The following USP10 variants were observed in gnomAD, a reference collection of about 807,000 sequenced individuals.
The protein encoded by USP10 is ubiquitin carboxyl-terminal hydrolase 10.
Under a neutral mutation model 84.5 loss-of-function variants are expected in USP10, and 22 were observed. The observed-to-expected ratio is 0.26, with a 90% CI of 0.19 to 0.37. The LOEUF (loss-of-function observed/expected upper bound fraction) is 0.37. Among genes scored for constraint, USP10 ranks in the 10% least tolerant of loss-of-function variants. The pLI, the probability that USP10 is intolerant of heterozygous loss-of-function variation, is 1.00. For missense variants in USP10, 1,019 were observed against 998.9 expected (o/e 1.02, Z -0.27); for synonymous variants, 454 against 387.6 (o/e 1.17, Z -2.01).
chr16:84,716,470 G>A (rs1014862675), intron 1 of USP10: 2 of 152,128 alleles, frequency 1.3e-5, no homozygotes, highest in African/African-American at 2.4e-5. Flanking sequence ...TTCAGTGGAC[G>A]AAATACAGAC....
rs1369176802 is a variant in USP10, at chr16:84,778,088, TAAC to T, written c.2210-806_2210-804del. On this transcript the variant is annotated intron_variant, in intron 13 of 13. Coordinates refer to ENST00000219473, the MANE Select transcript of USP10 (RefSeq NM_005153.3). The stretch of plus-strand genomic sequence containing the variant: ...TTATAGGATTTTTTTTTTAAGTAAA[TAAC>T]TGTGTGTGTGTGTGTGTGTGTGTGT... Among the ~76,000 whole-genome samples the T allele has an allele frequency of 2.9e-3, 422 of 147,814 alleles. 1 individual carries two copies. The highest frequency in any genetic ancestry group is 0.011 in the African/African-American group (408 of 38,148).
At chr16:84,736,642 A>G (rs1909969105) in intron 2 of USP10, among the ~76,000 whole-genome samples, 1 of 152,236 alleles carries the variant, frequency 6.6e-6, no homozygotes, top group Non-Finnish European at 1.5e-5. Context: ...TTTAGTTTCC[A>G]GAATCTCAGC....
At chr16:84,761,816 C>G (rs1193401475) in intron 8 of USP10, among the ~76,000 whole-genome samples, 1 of 152,254 alleles carries the variant, frequency 6.6e-6, no homozygotes, top group African/African-American at 2.4e-5. Context: ...AGACACCAGC[C>G]AAGGGGCAAC....
intron 11 of USP10, among the ~76,000 whole-genome samples, chr16:84,769,929 C>T (rs947407864): frequency 1.3e-5 from 2 of 152,094 alleles, no homozygotes; most frequent in African/African-American, 4.8e-5. Context: ...TCCTAAATAG[C>T]AGGTTTGGAT....
At chr16:84,749,253 A>G (rs542689263) in intron 4 of USP10, among the ~76,000 whole-genome samples, 7 of 152,316 alleles carry the variant, frequency 4.6e-5, no homozygotes, top group Admixed American at 1.3e-4. Flanking sequence ...CACTACCACA[A>G]ATTCCCTTTA....
chr16:84,709,898 G>A (rs894107523), intron 1 of USP10, among the ~76,000 whole-genome samples: 1 of 151,926 alleles, frequency 6.6e-6, no homozygotes, highest in African/African-American at 2.4e-5. Context: ...TGGTTAGCCG[G>A]GAGTCTGGAG....
At chr16:84,773,756 T>A (rs1460832955) in intron 12 of USP10, among the ~76,000 whole-genome samples, 1 of 152,180 alleles carries the variant, frequency 6.6e-6, no homozygotes, top group African/African-American at 2.4e-5. Context: ...CTCCCCATTT[T>A]ATTCTATCCA....
intron 4 of USP10, among the ~76,000 whole-genome samples, chr16:84,749,597 A>G (rs1279524449): frequency 6.6e-6 from 1 of 152,070 alleles, no homozygotes; most frequent in East Asian, 1.9e-4. Context: ...AATTATACAC[A>G]CACAAAATGC....
rs62050884 is a variant in USP10, at chr16:84,758,840, C to T, written c.1284+33C>T. 4.0e-6 allele frequency: 6 copies of T among 1,484,682 alleles called. No homozygotes were observed. In the Admixed American group the frequency reaches 5.0e-5, roughly 12 times the overall value. The allele number at this position is 1,484,682 out of a possible 1,614,324, so 92.0% of individuals were successfully genotyped here. On this transcript the variant is annotated intron_variant, in intron 5 of 13. Coordinates refer to ENST00000219473, the MANE Select transcript of USP10 (RefSeq NM_005153.3). ...TCCTGGACGCCGTCCGCAAGGCCAG[C>T]TTGTTGCAGCTGTCCCTCCTTTGGG...
chr16:84,746,031 C>T (rs1911185698), intron 4 of USP10, among the ~76,000 whole-genome samples: 1 of 151,710 alleles, frequency 6.6e-6, no homozygotes, highest in Non-Finnish European at 1.5e-5. Flanking sequence ...CTGATTTGTA[C>T]TCACTGTGTG....
intron 1 of USP10, among the ~76,000 whole-genome samples, chr16:84,714,666 A>C (rs1298685390): frequency 6.6e-6 from 1 of 151,900 alleles, no homozygotes; most frequent in Non-Finnish European, 1.5e-5. Context: ...TTTTTGGTCC[A>C]ATTTTTAGTT....
At chr16:84,722,457 T>C (rs1597302557) in intron 1 of USP10, among the ~76,000 whole-genome samples, 1 of 152,252 alleles carries the variant, frequency 6.6e-6, no homozygotes, top group African/African-American at 2.4e-5. Flanking sequence ...GTATATTCTA[T>C]TCTGTAAGAA....
chr16:84,700,405 G>A (rs1437157747), intron 1 of USP10, among the ~76,000 whole-genome samples: 1 of 151,986 alleles, frequency 6.6e-6, no homozygotes, highest in Admixed American at 6.5e-5. Flanking sequence ...CCTGGGGCTG[G>A]ACCGCGGGGC....
At chr16:84,765,434 C>T (rs1278153589) in intron 10 of USP10, among the ~76,000 whole-genome samples, 1 of 151,810 alleles carries the variant, frequency 6.6e-6, no homozygotes, top group African/African-American at 2.4e-5. Context: ...TCCCACTCGC[C>T]ACCCCTAGGA....
intron 10 of USP10, among the ~76,000 whole-genome samples, chr16:84,764,939 A>ATATATATATATATATAT (rs1555548055): frequency 7.6e-6 from 1 of 132,258 alleles, no homozygotes; most frequent in Non-Finnish European, 1.6e-5. Flanking sequence ...GAGAAAAAAA[A>ATATATATATATATATAT]ATATATATAT....
intron 2 of USP10, among the ~76,000 whole-genome samples, chr16:84,734,032 C>T (rs1909580691): frequency 6.6e-6 from 1 of 152,154 alleles, no homozygotes; most frequent in Non-Finnish European, 1.5e-5. Context: ...ATTTTCCTGT[C>T]GAGGGCCATT....
At chr16:84,749,085 ATAG>A (rs58030267) in intron 4 of USP10, among the ~76,000 whole-genome samples, 4,631 of 152,284 alleles carry the variant, frequency 0.03, 207 homozygotes, top group African/African-American at 0.11. Context: ...GTCTCGTGAG[ATAG>A]TAGAGCAATA....
chr16:84,778,491 A>T (rs1403438347), intron 13 of USP10, among the ~76,000 whole-genome samples: 1 of 152,174 alleles, frequency 6.6e-6, no homozygotes, highest in Non-Finnish European at 1.5e-5. Flanking sequence ...TGACATCATA[A>T]TCTCTGTCCA....
In USP10 at chr16:84,700,035, G is replaced by A; in HGVS notation, c.-56G>A. Reference sequence around the variant, plus strand: ...GTGCGGGCGAGAAGATGGCGGCGGCGGGGGAAGCAGCGTGAGCAGCCGGAG... The same window carrying A: ...GTGCGGGCGAGAAGATGGCGGCGGCAGGGGAAGCAGCGTGAGCAGCCGGAG... On this transcript the variant is annotated 5_prime_UTR_variant, in exon 1 of 14. Coordinates refer to ENST00000219473, the MANE Select transcript of USP10 (RefSeq NM_005153.3). 1.5e-6 allele frequency: 2 copies of A among 1,341,282 alleles called. No individual in the cohort carries two copies. The highest frequency in any genetic ancestry group is 2.0e-6 in the Non-Finnish European group (2 of 1,022,858). 83.1% of individuals were successfully genotyped at this position (1,341,282 alleles called of 1,614,324 possible).
Sources: allele counts gnomAD v4.1 joint callset (sites outside exome capture counted in the v4.1 genomes callset), GRCh38; gene constraint gnomAD v4.1.1; transcripts MANE v1.5; gene names NCBI Gene and HGNC (gene_info 2026-07-23, HGNC 2026-07-21).